The following TXLNA variants were observed in gnomAD, a reference collection of about 807,000 sequenced individuals.
The protein encoded by TXLNA is taxilin alpha.
In TXLNA, 9 loss-of-function variants were observed where a neutral mutation model predicts 61.4. That is an observed-to-expected ratio of 0.15 (90% confidence interval 0.09 to 0.26). TXLNA has a LOEUF of 0.26. Among genes scored for constraint, TXLNA ranks in the 10% least tolerant of loss-of-function variants. The pLI is 1.00. For synonymous variants in TXLNA, 257 were observed against 267.7 expected (o/e 0.96, Z 0.39); for missense variants, 565 against 688.8 (o/e 0.82, Z 2.01).
At chr1:32,193,966 TTCCCCACCTTGGAGACACAGGTGCAG>T (rs1447419954) in intron 9 of TXLNA, 73 bp from the exon 10 acceptor site, 46 of 934,610 alleles carry the variant, frequency 4.9e-5, no homozygotes, top group Admixed American at 2.9e-4. Flanking sequence ...GGATCAATCA[TTCCCCACCTTGGAGACACAGGTGCAG>T]TCCCCACCTT....
intron 1 of TXLNA, 100 bp from the exon 2 acceptor site, chr1:32,180,214 T>C (rs1642622878): frequency 7.8e-7 from 1 of 1,286,592 alleles, no homozygotes; most frequent in African/African-American, 1.5e-5. Flanking sequence ...TGCCGGTCCG[T>C]TTATTTTAAG....
At chr1:32,189,912 C>A in intron 5 of TXLNA, 143 bp from the exon 6 acceptor site, 1 of 787,894 alleles carries the variant, frequency 1.3e-6, no homozygotes. Context: ...CATTGGAACC[C>A]GCATTGCACA....
In TXLNA at chr1:32,194,903, A is replaced by G. The variant is rs1642983631; in HGVS notation, c.1349A>G (p.Lys450Arg). The change falls in exon 11 of 11, where the codon AAA becomes AGA. Residue 450 changes from lysine (K) to arginine (R), a missense_variant and splice_region_variant. Lys to Arg is a conservative substitution (Grantham distance 26). Around this residue, in one of 2 missense-constraint regions of TXLNA, gnomAD observed 373 missense variants for 504.0 expected, o/e 0.74. Transcript: ENST00000373610. ...NKALLEMAEE[K>R]TVRDKELEGL... ...TGAAGGTCTCATTTCTTTCCCTAGA[A>G]AACAGTCCGGGATAAAGAACTGGAG... is the stretch of plus-strand genomic sequence containing the variant. The G allele has an allele frequency of 6.2e-7, 1 of 1,602,170 alleles. No individual in the cohort carries two copies. Among genetic ancestry groups the G allele is most frequent in the South Asian group, 1.1e-5 (1 of 89,458 alleles).
Position 32,184,609 on chromosome 1 carries a change from C to T in TXLNA, c.590C>T (p.Ala197Val). The change falls in exon 4 of 11, where the codon GCT becomes GTT. Residue 197 changes from alanine (A) to valine (V), a missense_variant. Ala to Val is a moderately conservative substitution (Grantham distance 64). Transcript: ENST00000373610. Reference protein sequence around the residue: ...EKLAALCKKYAELLEEHRNSQ... With the variant: ...EKLAALCKKYVELLEEHRNSQ... Reference sequence around the variant, plus strand: ...CTGGCTGCTCTGTGCAAGAAGTATGCTGAACTGGTCAGTTCCCCCCTCCGC... The same window carrying T: ...CTGGCTGCTCTGTGCAAGAAGTATGTTGAACTGGTCAGTTCCCCCCTCCGC... 6.2e-7 allele frequency: 1 copy of T among 1,605,338 alleles called. No homozygotes were observed.
chr1:32,195,906 C>T lies in TXLNA; in HGVS notation c.*711C>T, dbSNP rs1241162402. Reference sequence around the variant, plus strand: ...TATCATTCACAGGTGCCTCTCTAGCCTGCACAAATGATTGACAAGAGATCA... The same window carrying T: ...TATCATTCACAGGTGCCTCTCTAGCTTGCACAAATGATTGACAAGAGATCA... On this transcript the variant is annotated 3_prime_UTR_variant, in exon 11 of 11. Transcript: ENST00000373610. 4 of 316,036 alleles carry T rather than the reference C, an allele frequency of 1.3e-5. No individual in the cohort carries two copies. The highest frequency in any genetic ancestry group is 2.6e-5 in the Non-Finnish European group (4 of 155,006). The allele number at this position is 316,036 out of a possible 1,614,324, so 19.6% of individuals were successfully genotyped here.
At chr1:32,180,247 G>T in intron 1 of TXLNA, 67 bp from the exon 2 acceptor site, 1 of 1,434,116 alleles carries the variant, frequency 7.0e-7, no homozygotes, top group Non-Finnish European at 9.3e-7. Context: ...CCTGCTGTGG[G>T]GATTTCTGAT....
Position 32,180,461 on chromosome 1 carries a change from C to T in TXLNA, c.116C>T (p.Pro39Leu), listed in dbSNP as rs1261934924. The T allele has an allele frequency of 3.1e-6, 5 of 1,612,668 alleles. 1 individual carries two copies. Among genetic ancestry groups the T allele is most frequent in the South Asian group, 2.2e-5 (2 of 90,978 alleles). ...CAGGAGCGGCCCAGCCAGGCGGCTC[C>T]TGCAGTAGAAGCAGAAGGTCCCGGC... ...GAQERPSQAA[P>L]AVEAEGPGSS... is the part of the protein sequence containing the mutation. Residue 39 changes from proline to leucine, a missense_variant, in exon 2 of 11, where the codon CCT becomes CTT. Around this residue, in one of 2 missense-constraint regions of TXLNA, gnomAD observed 192 missense variants for 184.8 expected, o/e 1.04. Coordinates refer to ENST00000373610, the MANE Select transcript of TXLNA (RefSeq NM_175852.4).
At chr1:32,181,685 C>T in intron 3 of TXLNA, 108 bp downstream of exon 3, 4 of 1,094,212 alleles carry the variant, frequency 3.7e-6, no homozygotes, top group Middle Eastern at 3.1e-4. Context: ...CGGTACTTCT[C>T]AGAGCAGCAA....
intron 4 of TXLNA, among the ~76,000 whole-genome samples, chr1:32,186,402 G>A (rs1183687823): frequency 6.6e-6 from 1 of 151,898 alleles, no homozygotes; most frequent in Admixed American, 6.6e-5. Flanking sequence ...TGAAATAGTT[G>A]TCTGGAAGGA....
At chr1:32,182,121 T>TTTTTTTTA (rs1553134507) in intron 3 of TXLNA, among the ~76,000 whole-genome samples, 1 of 148,262 alleles carries the variant, frequency 6.7e-6, no homozygotes, top group East Asian at 2.0e-4. Flanking sequence ...TTTTTTTTTT[T>TTTTTTTTA]AAATAAAGAA....
rs16834922 is a variant in TXLNA at position 32,195,458 on chromosome 1, T to C, written c.*263T>C. 69,664 of 559,716 alleles carry C rather than the reference T, an allele frequency of 0.12. 7,298 individuals are homozygous for C. Among genetic ancestry groups the C allele is most frequent in the African/African-American group, 0.37 (19,539 of 53,158 alleles). 34.7% of individuals were successfully genotyped at this position (559,716 alleles called of 1,614,324 possible). On this transcript the variant is annotated 3_prime_UTR_variant, in exon 11 of 11. Transcript: ENST00000373610. ...GTGTGTACAGATGAAGTCAGTGGCTTGTCTGTGAGCTGAAGAGTCTTGAGA... is the reference window on the plus strand; with the variant it reads ...GTGTGTACAGATGAAGTCAGTGGCTCGTCTGTGAGCTGAAGAGTCTTGAGA...
rs1373357879 is a variant in TXLNA at position 32,195,039 on chromosome 1, C to A, written c.1485C>A (p.Ser495=). 1.9e-6 allele frequency: 3 copies of A among 1,614,010 alleles called. No homozygotes were observed. The Admixed American group carries it at 5.0e-5, about 27-fold the overall frequency. ...VQDLSAGGQG[S]LTDSGPERRP... is the part of the protein sequence containing the mutation. ...ACCTGAGTGCTGGTGGCCAGGGCTC[C>A]CTCACTGACAGTGGCCCTGAGAGGA... is the stretch of plus-strand genomic sequence containing the variant. Residue 495 remains serine (S), a synonymous_variant, in exon 11 of 11, where the codon TCC becomes TCA. Transcript: ENST00000373610.
Position 32,181,265 on chromosome 1 carries a change from T to C in TXLNA, c.193T>C (p.Ser65Pro), listed in dbSNP as rs1422582966. 3 of 1,605,770 alleles carry C rather than the reference T, an allele frequency of 1.9e-6. No individual in the cohort carries two copies. The highest frequency in any genetic ancestry group is 1.7e-6 in the Non-Finnish European group (2 of 1,174,084). The change falls in exon 3 of 11, where the codon TCT becomes CCT. Residue 65 changes from serine to proline, a missense_variant. Ser to Pro is a moderately conservative substitution (Grantham distance 74). This residue lies in a region of TXLNA where 192 missense variants were observed against 184.8 expected (regional missense o/e 1.04). Coordinates refer to ENST00000373610, the MANE Select transcript of TXLNA (RefSeq NM_175852.4). ...AGGGGCTCAAGCCAGAACGGCTCAG[T>C]CTGGGGCCCTTCGTGATGTCTCTGA... ...PEGAQARTAQ[S>P]GALRDVSEEL...
At chr1:32,184,138 C>T (rs1046891830) in intron 3 of TXLNA, among the ~76,000 whole-genome samples, 5 of 152,142 alleles carry the variant, frequency 3.3e-5, no homozygotes, top group African/African-American at 9.7e-5. Context: ...TGGATCCTAC[C>T]TCTATCAGGA....
Position 32,191,535 on chromosome 1 carries a change from C to T in TXLNA, c.964-776C>T, listed in dbSNP as rs1048828515. ...ACAGTGAGACACGAACTTCAAGAAT[C>T]TGAATACCCCCGTTTTCTCTCCCCG... On this transcript the variant is annotated intron_variant, in intron 6 of 10. Transcript: ENST00000373610. 2.0e-5 allele frequency among the ~76,000 whole-genome samples: 3 copies of T among 152,226 alleles called. No homozygotes were observed. The East Asian group carries it at 5.8e-4, about 29-fold the overall frequency.
In TXLNA at chr1:32,189,994, G is replaced by A; in HGVS notation, c.769-61G>A. On this transcript the variant is annotated intron_variant, in intron 5 of 10. Coordinates refer to ENST00000373610, the MANE Select transcript of TXLNA (RefSeq NM_175852.4). ...GTTGGCAGAGACCATCTGTGGACTAGCTGGGGGACCCTTGTGAGGTAGCAG... is the reference window on the plus strand; with the variant it reads ...GTTGGCAGAGACCATCTGTGGACTAACTGGGGGACCCTTGTGAGGTAGCAG... The A allele has an allele frequency of 1.3e-6, 2 of 1,494,782 alleles. 1 individual carries two copies. Among genetic ancestry groups the A allele is most frequent in the South Asian group, 2.6e-5 (2 of 77,902 alleles). 92.6% of individuals were successfully genotyped at this position (1,494,782 alleles called of 1,614,324 possible).
chr1:32,192,459 G>C lies in TXLNA; in HGVS notation c.1083+29G>C, dbSNP rs780689537. Reference sequence around the variant, plus strand: ...AGGCTCAGGCCCCAGGGTTGGGGTGGGGGTGGGAGGAGACAGGCTGGGCTC... The same window carrying C: ...AGGCTCAGGCCCCAGGGTTGGGGTGCGGGTGGGAGGAGACAGGCTGGGCTC... On this transcript the variant is annotated intron_variant, in intron 7 of 10. Transcript: ENST00000373610. The surrounding 1 kb of genome is among the most constrained non-coding windows in gnomAD (Gnocchi z 4.2). The C allele has an allele frequency of 6.5e-7, 1 of 1,529,232 alleles. No homozygotes were observed. The highest frequency in any genetic ancestry group is 8.7e-7 in the Non-Finnish European group (1 of 1,153,140). The allele number at this position is 1,529,232 out of a possible 1,614,324, so 94.7% of individuals were successfully genotyped here. A position where few individuals can be genotyped will look rare whatever the true frequency, so the allele number is the denominator to read the frequency against.
At chr1:32,190,394 C>CT in intron 6 of TXLNA, 145 bp downstream of exon 6, 1 of 826,348 alleles carries the variant, frequency 1.2e-6, no homozygotes, top group Non-Finnish European at 1.8e-6. Flanking sequence ...TAATGTTATT[C>CT]CTCATAGATA....
In TXLNA at chr1:32,192,793, G is replaced by A. The variant is rs1390583226; in HGVS notation, c.1158+62G>A. 1 of 1,541,974 alleles carries A rather than the reference G, an allele frequency of 6.5e-7. No homozygotes were observed. Among genetic ancestry groups the A allele is most frequent in the Admixed American group, 1.7e-5 (1 of 59,504 alleles). ...TCCCTCACTGGGCCCCATCCTGGGG[G>A]TAGTGAAATGGGACCCTCATTCTAG... On this transcript the variant is annotated intron_variant, in intron 8 of 10. Coordinates refer to ENST00000373610, the MANE Select transcript of TXLNA (RefSeq NM_175852.4). The surrounding 1 kb of genome is among the most constrained non-coding windows in gnomAD (Gnocchi z 4.2).
Sources: gnomAD v4.1 joint callset for allele counts (sites outside exome capture counted in the v4.1 genomes callset) on GRCh38, gnomAD v4.1.1 for gene constraint, gnomAD v4.1.1 regional missense constraint, Gnocchi (gnomAD v3.1) non-coding constraint, MANE v1.5 for transcripts, NCBI Gene and HGNC (gene_info 2026-07-23, HGNC 2026-07-21) for gene names.